TRPC4: variants seen among roughly 807,000 people sequenced by gnomAD.
The protein encoded by TRPC4 is transient receptor potential cation channel subfamily C member 4, also known as short transient receptor potential channel 4.
A neutral mutation model predicts 99.4 loss-of-function variants in TRPC4; 49 were observed. The observed-to-expected ratio is 0.49, with a 90% CI of 0.39 to 0.63. TRPC4 has a LOEUF of 0.63. Ranked by LOEUF, TRPC4 falls within the 20% of genes least tolerant of loss-of-function variation. TRPC4 has a pLI of 0.00. For synonymous variants in TRPC4, 454 were observed against 425.9 expected, an observed-to-expected ratio of 1.07 and a Z score of -0.81; for missense variants, 898 against 1,152.9, an observed-to-expected ratio of 0.78 and a Z score of 3.20.
At chr13:37,703,116 T>A (rs776167408) in intron 3 of TRPC4, among the ~76,000 whole-genome samples, 9 of 152,134 alleles carry the variant, frequency 5.9e-5, no homozygotes, top group Non-Finnish European at 1.3e-4. Flanking sequence ...AAGGTGGTAG[T>A]TGTATGTGCT....
intron 2 of TRPC4, among the ~76,000 whole-genome samples, chr13:37,768,666 ACACACG>A (rs3086247): frequency 0.029 from 3,421 of 116,912 alleles, 82 homozygotes; most frequent in African/African-American, 0.11. Context: ...ACATACGAAC[ACACACG>A]CACACACACA....
intron 1 of TRPC4, among the ~76,000 whole-genome samples, chr13:37,867,824 T>A (rs1393019959): frequency 6.6e-6 from 1 of 152,154 alleles, no homozygotes; most frequent in East Asian, 1.9e-4. Context: ...TGTTGTTTTT[T>A]AATATTTATT....
At chr13:37,760,609 T>A (rs898888074) in intron 2 of TRPC4, among the ~76,000 whole-genome samples, 3 of 151,962 alleles carry the variant, frequency 2.0e-5, no homozygotes, top group Admixed American at 6.6e-5. Flanking sequence ...TTACCCAAGC[T>A]TTAGTACAAG....
chr13:37,839,910 A>G (rs889043743), intron 1 of TRPC4, among the ~76,000 whole-genome samples: 8 of 152,144 alleles, frequency 5.3e-5, no homozygotes, highest in Non-Finnish European at 8.8e-5. Flanking sequence ...TCAACCAAGT[A>G]TTCTATCCTC....
chr13:37,736,442 C>T (rs892551572), intron 3 of TRPC4, among the ~76,000 whole-genome samples: 6 of 152,036 alleles, frequency 3.9e-5, no homozygotes, highest in East Asian at 1.9e-4. Flanking sequence ...TGTAGTCTCA[C>T]GTATGAAAAT....
chr13:37,652,050 T>G (rs1334893892), intron 7 of TRPC4, among the ~76,000 whole-genome samples: 1 of 152,238 alleles, frequency 6.6e-6, no homozygotes, highest in African/African-American at 2.4e-5. Context: ...TTGTACAGAT[T>G]TCACCAAAGA....
At chr13:37,663,878 AG>A in intron 5 of TRPC4, 149 bp from the exon 6 acceptor site, 2 of 674,160 alleles carry the variant, frequency 3.0e-6, no homozygotes, top group Non-Finnish European at 5.0e-6. Context: ...CCAATTCTAG[AG>A]GAACACATGT....
intron 8 of TRPC4, among the ~76,000 whole-genome samples, chr13:37,643,926 G>A (rs560314664): frequency 3.3e-5 from 5 of 152,014 alleles, no homozygotes; most frequent in South Asian, 4.2e-4. Flanking sequence ...CTTGGGTCTC[G>A]GTCTTCACAT....
rs796519302 is a variant in TRPC4 at position 37,634,811 on chromosome 13, TA to T, written c.*2091del. ...TAGGTATGATTTAGAAAAAAATGAGTATTTCAGTAGCCCCAGGATTTGCTCT... is the reference window on the plus strand; with the variant it reads ...TAGGTATGATTTAGAAAAAAATGAGTTTTCAGTAGCCCCAGGATTTGCTCT... On this transcript the variant is annotated 3_prime_UTR_variant, in exon 11 of 11. Coordinates refer to ENST00000379705, the MANE Select transcript of TRPC4 (RefSeq NM_016179.4). Among the ~76,000 whole-genome samples the T allele has an allele frequency of 6.6e-6, 1 of 152,046 alleles. No individual in the cohort carries two copies. Among genetic ancestry groups the T allele is most frequent in the African/African-American group, 2.4e-5 (1 of 41,502 alleles).
intron 2 of TRPC4, among the ~76,000 whole-genome samples, chr13:37,757,262 C>G (rs1302051430): frequency 6.6e-6 from 1 of 151,958 alleles, no homozygotes; most frequent in East Asian, 1.9e-4. Context: ...GACACAGTCA[C>G]TGCTATGGAA....
At chr13:37,860,889 C>T (rs1566231531) in intron 1 of TRPC4, among the ~76,000 whole-genome samples, 1 of 151,336 alleles carries the variant, frequency 6.6e-6, no homozygotes, top group East Asian at 1.9e-4. Context: ...TTTGAGCAGT[C>T]GCTGTCTTCG....
At chr13:37,701,832 T>TGA (rs1351322727) in intron 3 of TRPC4, among the ~76,000 whole-genome samples, 1 of 152,226 alleles carries the variant, frequency 6.6e-6, no homozygotes, top group Admixed American at 6.5e-5. Context: ...TGAAATGTTT[T>TGA]ATACATAAAC....
At chr13:37,674,720 C>T (rs1952987299) in intron 4 of TRPC4, among the ~76,000 whole-genome samples, 1 of 152,040 alleles carries the variant, frequency 6.6e-6, no homozygotes, top group Admixed American at 6.5e-5. Context: ...ATATTTTTCT[C>T]CCAAGTCAAA....
intron 3 of TRPC4, among the ~76,000 whole-genome samples, chr13:37,738,318 G>A (rs1955465889): frequency 6.6e-6 from 1 of 152,128 alleles, no homozygotes; most frequent in South Asian, 2.1e-4. Context: ...AGGACTTATT[G>A]AAGCCAAATT....
chr13:37,745,515 T>TGAA (rs1469118483), intron 3 of TRPC4, among the ~76,000 whole-genome samples: 1 of 121,414 alleles, frequency 8.2e-6, no homozygotes, highest in Non-Finnish European at 1.6e-5. Context: ...TATGTATATA[T>TGAA]ATACGTATAT....
chr13:37,829,594 A>G (rs1417329769), intron 1 of TRPC4, among the ~76,000 whole-genome samples: 1 of 152,216 alleles, frequency 6.6e-6, no homozygotes, highest in Non-Finnish European at 1.5e-5. Flanking sequence ...TGGTTCCTCA[A>G]AAAAATTAAA....
In TRPC4 at chr13:37,646,070, G is replaced by A. The variant is rs7326842; in HGVS notation, c.2079+5195C>T. Reference sequence around the variant, plus strand: ...CAAATCGCCACTATAAATGAAGTCTGAGAGGCATGTACTATGAGCATTTTT... The same window carrying A: ...CAAATCGCCACTATAAATGAAGTCTAAGAGGCATGTACTATGAGCATTTTT... On this transcript the variant is annotated intron_variant, in intron 8 of 10. Transcript: ENST00000379705. Among the ~76,000 whole-genome samples, 1,231 of 152,340 alleles carry A rather than the reference G, an allele frequency of 8.1e-3. 14 individuals carry two copies. Among genetic ancestry groups the A allele is most frequent in the African/African-American group, 0.028 (1,154 of 41,578 alleles).
chr13:37,677,248 G>T (rs1301257603), intron 4 of TRPC4, among the ~76,000 whole-genome samples: 1 of 151,778 alleles, frequency 6.6e-6, no homozygotes. Flanking sequence ...AATAATTAGG[G>T]TTATACAAAT....
chr13:37,697,704 C>G (rs1245806193), intron 3 of TRPC4, among the ~76,000 whole-genome samples: 1 of 152,066 alleles, frequency 6.6e-6, no homozygotes, highest in African/African-American at 2.4e-5. Context: ...AACAGGAAGG[C>G]TGTTAGAGAT....
Sources: gnomAD v4.1 joint callset for allele counts (sites outside exome capture counted in the v4.1 genomes callset) on GRCh38, gnomAD v4.1.1 for gene constraint, MANE v1.5 for transcripts, NCBI Gene and HGNC (gene_info 2026-07-23, HGNC 2026-07-21) for gene names.